The following OLFM3 variants were observed in gnomAD, a reference collection of about 807,000 sequenced individuals.
OLFM3 encodes the protein noelin-3.
OLFM3 carries 20 observed loss-of-function variants against 48.6 expected under a neutral mutation model. The ratio of observed to expected loss-of-function variants is 0.41; its 90% CI spans 0.29 to 0.60. The LOEUF (loss-of-function observed/expected upper bound fraction) is 0.60, where lower values mean the gene tolerates loss of function less well. Ranked by LOEUF, OLFM3 falls within the 20% of genes least tolerant of loss-of-function variation. The pLI is 0.28. For missense variants in OLFM3, 437 were observed against 544.3 expected (o/e 0.80, Z 1.96); for synonymous variants, 222 against 198.1 (o/e 1.12, Z -1.01).
At chr1:101,910,103 G>T (rs531440913) in intron 1 of OLFM3, 94 of 985,178 alleles carry the variant, frequency 9.5e-5, no homozygotes, top group Non-Finnish European at 1.1e-4. Context: ...TCTCAGAGAA[G>T]CTTCAGCTTT....
At chr1:101,942,340 T>C (rs923594367) in intron 1 of OLFM3, among the ~76,000 whole-genome samples, 8 of 152,234 alleles carry the variant, frequency 5.3e-5, no homozygotes, top group African/African-American at 7.2e-5. Context: ...CAATCAGGTT[T>C]AATAACTGAA....
chr1:101,828,198 G>A (rs575503943), intron 3 of OLFM3, among the ~76,000 whole-genome samples: 89 of 152,078 alleles, frequency 5.9e-4, no homozygotes, highest in African/African-American at 1.4e-3. Context: ...CACACATTAC[G>A]CAGTCTCAGC....
intron 1 of OLFM3, among the ~76,000 whole-genome samples, chr1:101,868,309 T>C (rs527988669): frequency 6.6e-6 from 1 of 152,274 alleles, no homozygotes; most frequent in South Asian, 2.1e-4. Flanking sequence ...CAGAGACTTG[T>C]TGAATGGCTT....
intron 1 of OLFM3, among the ~76,000 whole-genome samples, chr1:101,946,564 TAA>T (rs1442185447): frequency 1.3e-5 from 2 of 152,226 alleles, no homozygotes; most frequent in African/African-American, 4.8e-5. Context: ...AAAAAGACGA[TAA>T]GTGGCAATCT....
chr1:101,841,007 C>G (rs1254755437), intron 1 of OLFM3, among the ~76,000 whole-genome samples: 5 of 152,116 alleles, frequency 3.3e-5, no homozygotes, highest in Non-Finnish European at 5.9e-5. Flanking sequence ...TAAGAATGCT[C>G]TAAATAGGAG....
At chr1:101,993,005 A>G (rs1443548217) in intron 1 of OLFM3, among the ~76,000 whole-genome samples, 1 of 152,144 alleles carries the variant, frequency 6.6e-6, no homozygotes, top group Non-Finnish European at 1.5e-5. Flanking sequence ...AGAAGACAGT[A>G]AATGTTTCCT....
chr1:101,804,860 A>C lies in OLFM3; in HGVS notation c.755T>G (p.Ile252Ser). The C allele has an allele frequency of 6.2e-7, 1 of 1,612,274 alleles. No homozygotes were observed. Among genetic ancestry groups the C allele is most frequent in the Non-Finnish European group, 8.5e-7 (1 of 1,178,908 alleles). Reference sequence around the variant, plus strand: ...TTCAGCCCCACTGACAAAGTCTGCAATTGATTTGTATTCACGAACAATTTT... The same window carrying C: ...TTCAGCCCCACTGACAAAGTCTGCACTTGATTTGTATTCACGAACAATTTT... The part of the protein sequence containing the change: ...NNKIVREYKS[I>S]ADFVSGAESR... The change falls in exon 6 of 6, where the codon ATT becomes AGT. Residue 252 changes from isoleucine to serine, a missense_variant. By Grantham distance (142) the Ile-to-Ser change is moderately radical. Around this residue, in one of 3 missense-constraint regions of OLFM3, gnomAD observed 314 missense variants for 365.5 expected, o/e 0.86. Transcript: ENST00000370103. The surrounding 1 kb of genome is among the most constrained non-coding windows in gnomAD (Gnocchi z 4.5).
intron 1 of OLFM3, among the ~76,000 whole-genome samples, chr1:101,972,189 A>G (rs1437110856): frequency 6.6e-6 from 1 of 152,162 alleles, no homozygotes; most frequent in Non-Finnish European, 1.5e-5. Context: ...TGTGGCACCT[A>G]CTGCTCCTTG....
intron 1 of OLFM3, among the ~76,000 whole-genome samples, chr1:101,937,817 A>G (rs1002218494): frequency 6.6e-6 from 1 of 152,220 alleles, no homozygotes; most frequent in African/African-American, 2.4e-5. Flanking sequence ...CACCCTATAC[A>G]TATACAACAT....
intron 1 of OLFM3, among the ~76,000 whole-genome samples, chr1:101,945,298 G>A (rs1294896466): frequency 2.0e-5 from 3 of 152,192 alleles, no homozygotes; most frequent in Admixed American, 6.5e-5. Flanking sequence ...AATGTGATAC[G>A]TTCATACAAT....
rs192096071 is a variant in OLFM3, at chr1:101,953,485, A to T, written c.69+43263T>A. On this transcript the variant is annotated intron_variant, in intron 1 of 5. Transcript: ENST00000370103. ...ACAGCACAATTTTAAAGACTCCTAC[A>T]CTAGATGTTGTTTTCTCTTGATATC... Among the ~76,000 whole-genome samples the T allele has an allele frequency of 3.9e-5, 6 of 152,082 alleles. 1 individual carries two copies. The highest frequency in any genetic ancestry group is 5.9e-5 in the Non-Finnish European group (4 of 67,992).
At chr1:101,860,880 C>T (rs930816432) in intron 1 of OLFM3, among the ~76,000 whole-genome samples, 4 of 151,912 alleles carry the variant, frequency 2.6e-5, no homozygotes, top group Non-Finnish European at 5.9e-5. Context: ...TGTCAAGAGG[C>T]TTAAACATAA....
intron 1 of OLFM3, among the ~76,000 whole-genome samples, chr1:101,905,473 A>G (rs1018220578): frequency 6.6e-6 from 1 of 152,178 alleles, no homozygotes; most frequent in Non-Finnish European, 1.5e-5. Flanking sequence ...CTATATTGCC[A>G]AAAGAGTTGT....
intron 1 of OLFM3, among the ~76,000 whole-genome samples, chr1:101,918,456 T>C (rs184438055): frequency 9.7e-4 from 148 of 152,292 alleles, no homozygotes; most frequent in African/African-American, 2.7e-3. Context: ...TTCTAGAGGC[T>C]GCCTTCATTT....
chr1:101,886,408 G>A lies in OLFM3; in HGVS notation c.70-49383C>T, dbSNP rs1472504952. 6.6e-5 allele frequency among the ~76,000 whole-genome samples: 10 copies of A among 152,134 alleles called. No individual in the cohort carries two copies. The South Asian group carries it at 8.3e-4, about 13-fold the overall frequency. ...AAAAGTCTTGGGAAGGGAGGAGGCCGGCTGGTAGGTAGGTGGAGGGTGATA... is the reference window on the plus strand; with the variant it reads ...AAAAGTCTTGGGAAGGGAGGAGGCCAGCTGGTAGGTAGGTGGAGGGTGATA... On this transcript the variant is annotated intron_variant, in intron 1 of 5. Coordinates refer to ENST00000370103, the MANE Select transcript of OLFM3 (RefSeq NM_058170.4).
intron 1 of OLFM3, among the ~76,000 whole-genome samples, chr1:101,877,596 G>A (rs1657350593): frequency 6.6e-6 from 1 of 151,732 alleles, no homozygotes; most frequent in South Asian, 2.1e-4. Flanking sequence ...TGGAATAGGA[G>A]AAGAAAGAGG....
rs59638774 is a variant in OLFM3 at position 101,828,350 on chromosome 1, G to C, written c.372+2322C>G. Among the ~76,000 whole-genome samples, 899 of 152,240 alleles carry C rather than the reference G, an allele frequency of 5.9e-3. 10 individuals carry two copies. Among genetic ancestry groups the C allele is most frequent in the African/African-American group, 0.02 (839 of 41,544 alleles). ...ACAGTTAATATACTGAAAGTGCTCA[G>C]AACTATACCTTGAATATGTATAATA... On this transcript the variant is annotated intron_variant, in intron 3 of 5. Transcript: ENST00000370103.
At chr1:101,939,381 A>G (rs192315878) in intron 1 of OLFM3, among the ~76,000 whole-genome samples, 29 of 152,290 alleles carry the variant, frequency 1.9e-4, no homozygotes, top group Admixed American at 1.9e-3. Context: ...TCCAACAAAC[A>G]TGTTCATTGC....
intron 1 of OLFM3, among the ~76,000 whole-genome samples, chr1:101,967,978 A>G (rs1660665888): frequency 6.6e-6 from 1 of 151,954 alleles, no homozygotes; most frequent in African/African-American, 2.4e-5. Context: ...TACGAAGAAA[A>G]CCCTTAACTT....
Sources: allele counts gnomAD v4.1 joint callset (sites outside exome capture counted in the v4.1 genomes callset), GRCh38; gene constraint gnomAD v4.1.1; regional missense constraint gnomAD v4.1.1; non-coding constraint Gnocchi (gnomAD v3.1); transcripts MANE v1.5; gene names NCBI Gene and HGNC (gene_info 2026-07-23, HGNC 2026-07-21).